Variants in DPYD observed in about 807,000 individuals in gnomAD.
The protein encoded by DPYD is dihydropyrimidine dehydrogenase, also known as dihydropyrimidine dehydrogenase [NADP(+)].
In DPYD, 109 loss-of-function variants were observed where a neutral mutation model predicts 116.2. The observed-to-expected ratio is 0.94, with a 90% CI of 0.80 to 1.10. The LOEUF is 1.10. Among genes scored for constraint, DPYD ranks in the 50% least tolerant of loss-of-function variants. DPYD has a pLI of 0.00. For missense variants in DPYD, 1,302 were observed against 1,254.5 expected (o/e 1.04, Z -0.57); for synonymous variants, 440 against 432.0 (o/e 1.02, Z -0.23).
At chr1:97,494,282 A>T (rs1679131422) in intron 13 of DPYD, among the ~76,000 whole-genome samples, 1 of 152,286 alleles carries the variant, frequency 6.6e-6, no homozygotes, top group East Asian at 1.9e-4. Flanking sequence ...CTGCATCCTC[A>T]AACTCCTGGG....
chr1:97,357,988 C>A (rs910887093), intron 16 of DPYD, among the ~76,000 whole-genome samples: 3 of 152,176 alleles, frequency 2.0e-5, no homozygotes, highest in Non-Finnish European at 4.4e-5. Context: ...TGAGCTGAAG[C>A]AGTGGGGGTG....
At chr1:97,804,972 T>C (rs974242282) in intron 3 of DPYD, among the ~76,000 whole-genome samples, 8 of 151,918 alleles carry the variant, frequency 5.3e-5, no homozygotes, top group Non-Finnish European at 1.0e-4. Flanking sequence ...TTGCACTTGA[T>C]AAAATATTTT....
chr1:97,727,798 G>C (rs1432909177), intron 4 of DPYD, among the ~76,000 whole-genome samples: 1 of 151,854 alleles, frequency 6.6e-6, no homozygotes, highest in Non-Finnish European at 1.5e-5. Flanking sequence ...TCTTCCCACA[G>C]ATAATGTCAA....
chr1:97,540,038 G>A (rs1248333637), intron 12 of DPYD, among the ~76,000 whole-genome samples: 2 of 152,040 alleles, frequency 1.3e-5, no homozygotes, highest in African/African-American at 4.8e-5. Context: ...CCAGGTGTGT[G>A]CGAACTGCTC....
intron 8 of DPYD, among the ~76,000 whole-genome samples, chr1:97,607,131 T>A (rs1655648396): frequency 6.6e-6 from 1 of 151,870 alleles, no homozygotes. Flanking sequence ...GTAACTTAAA[T>A]GAGAAAAAAT....
intron 14 of DPYD, among the ~76,000 whole-genome samples, chr1:97,409,078 T>G (rs967542296): frequency 6.6e-6 from 1 of 152,124 alleles, no homozygotes; most frequent in Non-Finnish European, 1.5e-5. Flanking sequence ...TAATCCTTTA[T>G]AAATTCCCCT....
intron 20 of DPYD, among the ~76,000 whole-genome samples, chr1:97,116,765 C>T (rs1354562998): frequency 6.6e-6 from 1 of 151,972 alleles, no homozygotes; most frequent in African/African-American, 2.4e-5. Context: ...GTTTTTCTCA[C>T]AGGATTAATT....
At chr1:97,762,527 T>A (rs1665633857) in intron 3 of DPYD, among the ~76,000 whole-genome samples, 1 of 152,104 alleles carries the variant, frequency 6.6e-6, no homozygotes. Flanking sequence ...CCCCTGCTTT[T>A]CTCTGTAACT....
intron 2 of DPYD, among the ~76,000 whole-genome samples, chr1:97,861,162 G>T (rs1671095674): frequency 1.3e-5 from 2 of 152,040 alleles, no homozygotes; most frequent in South Asian, 2.1e-4. Flanking sequence ...AAGGGAAAAT[G>T]ATAACTATTT....
At chr1:97,275,586 T>C (rs1664881630) in intron 18 of DPYD, among the ~76,000 whole-genome samples, 1 of 152,218 alleles carries the variant, frequency 6.6e-6, no homozygotes, top group African/African-American at 2.4e-5. Context: ...GAAAGTGGCT[T>C]TAGAAATTTT....
intron 13 of DPYD, among the ~76,000 whole-genome samples, chr1:97,471,015 G>C (rs1677618574): frequency 6.6e-6 from 1 of 152,008 alleles, no homozygotes; most frequent in Non-Finnish European, 1.5e-5. Flanking sequence ...TTCTGAATTA[G>C]TTATCCACAC....
At chr1:97,152,278 G>C (rs1247213081) in intron 20 of DPYD, among the ~76,000 whole-genome samples, 1 of 152,114 alleles carries the variant, frequency 6.6e-6, no homozygotes, top group African/African-American at 2.4e-5. Flanking sequence ...ATCTAAACGA[G>C]ATTTAAGAGT....
intron 16 of DPYD, among the ~76,000 whole-genome samples, chr1:97,332,269 T>G (rs975063034): frequency 6.6e-6 from 1 of 152,152 alleles, no homozygotes. Context: ...TTTAACTACT[T>G]TAAATGGGCC....
At chr1:97,222,880 A>AT (rs1660867794) in intron 19 of DPYD, among the ~76,000 whole-genome samples, 1 of 152,086 alleles carries the variant, frequency 6.6e-6, no homozygotes, top group African/African-American at 2.4e-5. Flanking sequence ...GCTGTCAAGT[A>AT]TTTTTACTAC....
chr1:97,399,230 C>CGA (rs1673204822), intron 14 of DPYD, among the ~76,000 whole-genome samples: 1 of 152,076 alleles, frequency 6.6e-6, no homozygotes, highest in African/African-American at 2.4e-5. Context: ...TTGTTTTTGT[C>CGA]AGGTTTGTCA....
chr1:97,248,393 T>C (rs1450479684), intron 18 of DPYD, among the ~76,000 whole-genome samples: 1 of 152,166 alleles, frequency 6.6e-6, no homozygotes, highest in East Asian at 1.9e-4. Flanking sequence ...GCCATCCATG[T>C]AAGATGTGAT....
Position 97,206,666 on chromosome 1 carries a change from A to G in DPYD, c.2443-13418T>C, listed in dbSNP as rs867149333. Among the ~76,000 whole-genome samples the G allele has an allele frequency of 8.9e-4, 106 of 119,440 alleles. 2 individuals carry two copies. Among genetic ancestry groups the G allele is most frequent in the African/African-American group, 3.0e-3 (100 of 33,484 alleles). 78.4% of individuals were successfully genotyped at this position (119,440 alleles called of 152,430 possible). ...TATATATATATATATATATATATAT[A>G]TATATATATATATATATATATAATC... On this transcript the variant is annotated intron_variant, in intron 19 of 22. Transcript: ENST00000370192.
intron 2 of DPYD, among the ~76,000 whole-genome samples, chr1:97,837,532 G>C (rs576396551): frequency 6.3e-4 from 96 of 152,156 alleles, no homozygotes; most frequent in Admixed American, 8.5e-4. Flanking sequence ...AATGTCAGCT[G>C]TGTTTTCCCT....
chr1:97,601,009 G>T (rs1477947944), intron 8 of DPYD, among the ~76,000 whole-genome samples: 1 of 152,078 alleles, frequency 6.6e-6, no homozygotes, highest in Admixed American at 6.6e-5. Context: ...TTAACAGCAA[G>T]ATAAAGTCCA....
Sources: gnomAD v4.1 joint callset for allele counts (sites outside exome capture counted in the v4.1 genomes callset) on GRCh38, gnomAD v4.1.1 for gene constraint, MANE v1.5 for transcripts, NCBI Gene and HGNC (gene_info 2026-07-23, HGNC 2026-07-21) for gene names.